HACD2: variants seen among roughly 807,000 people sequenced by gnomAD.
The protein encoded by HACD2 is 3-hydroxyacyl-CoA dehydratase 2, also known as very-long-chain (3R)-3-hydroxyacyl-CoA dehydratase 2.
In HACD2, 15 loss-of-function variants were observed where a neutral mutation model predicts 31.0. The observed-to-expected ratio is 0.48, with a 90% CI of 0.32 to 0.75. The LOEUF (loss-of-function observed/expected upper bound fraction) is 0.75. HACD2 is among the 30% of genes least tolerant of loss of function. The pLI, the probability that HACD2 is intolerant of heterozygous loss-of-function variation, is 0.03. For synonymous variants in HACD2, 115 were observed against 122.2 expected (o/e 0.94, Z 0.39); for missense variants, 283 against 313.0 (o/e 0.90, Z 0.72).
intron 3 of HACD2, among the ~76,000 whole-genome samples, chr3:123,546,117 C>T (rs1051184918): frequency 6.6e-6 from 1 of 152,094 alleles, no homozygotes; most frequent in Non-Finnish European, 1.5e-5. Context: ...AACAAGATCA[C>T]GTACAAGATC....
At chr3:123,541,964 G>A (rs560723495) in intron 3 of HACD2, among the ~76,000 whole-genome samples, 5 of 151,544 alleles carry the variant, frequency 3.3e-5, no homozygotes, top group East Asian at 3.9e-4. Flanking sequence ...CGGCTAAAAC[G>A]GTGAAACCCC....
At chr3:123,511,372 C>A (rs545716807) in intron 4 of HACD2, among the ~76,000 whole-genome samples, 1 of 152,126 alleles carries the variant, frequency 6.6e-6, no homozygotes, top group African/African-American at 2.4e-5. Flanking sequence ...CACACATACA[C>A]ACACACATTA....
chr3:123,507,552 A>G (rs764989984), intron 4 of HACD2, among the ~76,000 whole-genome samples: 3 of 152,298 alleles, frequency 2.0e-5, no homozygotes, highest in Non-Finnish European at 4.4e-5. Flanking sequence ...TGAAATATCC[A>G]GAAAAGACAA....
At chr3:123,541,997 A>T (rs547036623) in intron 3 of HACD2, among the ~76,000 whole-genome samples, 160 of 151,598 alleles carry the variant, frequency 1.1e-3, no homozygotes, top group African/African-American at 3.8e-3. Context: ...AATACAAAAA[A>T]TTAGCCAGGT....
chr3:123,502,939 G>C (rs1467006231), intron 4 of HACD2: 2 of 381,670 alleles, frequency 5.2e-6, no homozygotes. Context: ...ACAAACACGA[G>C]GGGTGGGGAT....
intron 2 of HACD2, among the ~76,000 whole-genome samples, chr3:123,570,360 A>C (rs2056841002): frequency 6.6e-6 from 1 of 152,248 alleles, no homozygotes; most frequent in African/African-American, 2.4e-5. Context: ...GTACATAGTA[A>C]ATTATGAAAA....
chr3:123,557,803 T>C (rs371895282), intron 3 of HACD2, among the ~76,000 whole-genome samples: 2 of 152,352 alleles, frequency 1.3e-5, no homozygotes. Flanking sequence ...GGATGTGGAA[T>C]AAGAAACTCT....
intron 4 of HACD2, among the ~76,000 whole-genome samples, chr3:123,524,516 T>A (rs1042053828): frequency 2.0e-5 from 3 of 152,224 alleles, no homozygotes; most frequent in African/African-American, 7.2e-5. Context: ...TACAGATGAT[T>A]TAGCAGGAGA....
intron 4 of HACD2, among the ~76,000 whole-genome samples, chr3:123,526,441 A>G (rs902403795): frequency 6.6e-6 from 1 of 152,242 alleles, no homozygotes; most frequent in Non-Finnish European, 1.5e-5. Context: ...TGTAAAAACA[A>G]GAGGATCCAA....
intron 2 of HACD2, among the ~76,000 whole-genome samples, chr3:123,571,348 T>C (rs866953105): frequency 2.6e-5 from 4 of 152,186 alleles, no homozygotes; most frequent in Middle Eastern, 3.4e-3. Flanking sequence ...AATTAAAGTC[T>C]CAAGTCAATT....
intron 3 of HACD2, among the ~76,000 whole-genome samples, chr3:123,553,908 G>A (rs1273284014): frequency 6.6e-6 from 1 of 151,498 alleles, no homozygotes; most frequent in African/African-American, 2.4e-5. Context: ...ATGTGTCACA[G>A]TTCCTGACAC....
At chr3:123,501,080 C>T (rs866370350) in intron 5 of HACD2, among the ~76,000 whole-genome samples, 4 of 151,940 alleles carry the variant, frequency 2.6e-5, no homozygotes, top group African/African-American at 9.7e-5. Context: ...GTGGTAGTGG[C>T]GGAGGTGTTG....
chr3:123,524,209 T>C (rs2056251138), intron 4 of HACD2, among the ~76,000 whole-genome samples: 2 of 152,182 alleles, frequency 1.3e-5, no homozygotes, highest in African/African-American at 2.4e-5. Flanking sequence ...TTCTCAAACC[T>C]TGGAATTCTT....
At chr3:123,538,176 T>C (rs1222811151) in intron 3 of HACD2, among the ~76,000 whole-genome samples, 1 of 152,084 alleles carries the variant, frequency 6.6e-6, no homozygotes, top group Non-Finnish European at 1.5e-5. Flanking sequence ...AAACTGGCCA[T>C]GTCTCTTGGG....
chr3:123,528,598 T>C (rs762335004), intron 3 of HACD2, 124 bp from the exon 4 acceptor site: 46 of 649,680 alleles, frequency 7.1e-5, no homozygotes, highest in Non-Finnish European at 1.2e-4. Flanking sequence ...CTGAAAGGTG[T>C]CTATATTGTT....
intron 1 of HACD2, among the ~76,000 whole-genome samples, chr3:123,583,278 C>T (rs1019622401): frequency 6.6e-6 from 1 of 152,192 alleles, no homozygotes; most frequent in African/African-American, 2.4e-5. Flanking sequence ...ACCCTCCACC[C>T]CATTCTCTAT....
intron 4 of HACD2, among the ~76,000 whole-genome samples, chr3:123,519,390 C>T (rs902483589): frequency 6.6e-6 from 1 of 152,140 alleles, no homozygotes; most frequent in African/African-American, 2.4e-5. Flanking sequence ...TCTCAGTTTG[C>T]AGTGAGAGGT....
intron 2 of HACD2, among the ~76,000 whole-genome samples, chr3:123,576,860 G>A (rs1170021699): frequency 6.6e-6 from 1 of 152,200 alleles, no homozygotes; most frequent in African/African-American, 2.4e-5. Flanking sequence ...AGACTTTGCT[G>A]TATTTTATAG....
At chr3:123,504,506 T>A (rs1236739664) in intron 4 of HACD2, among the ~76,000 whole-genome samples, 1 of 151,844 alleles carries the variant, frequency 6.6e-6, no homozygotes, top group Non-Finnish European at 1.5e-5. Context: ...AGTTTCCGTG[T>A]AGTCTTAGTG....
Sources: allele counts gnomAD v4.1 joint callset (sites outside exome capture counted in the v4.1 genomes callset), GRCh38; gene constraint gnomAD v4.1.1; transcripts MANE v1.5; gene names NCBI Gene and HGNC (gene_info 2026-07-23, HGNC 2026-07-21).